C2CD2: variants seen among roughly 807,000 people sequenced by gnomAD.
The protein encoded by C2CD2 is C2 domain-containing protein 2.
In C2CD2, 43 loss-of-function variants were observed where a neutral mutation model predicts 74.3. That is an observed-to-expected ratio of 0.58 (90% CI 0.45 to 0.75). C2CD2 has a LOEUF of 0.75. Among genes scored for constraint, C2CD2 ranks in the 30% least tolerant of loss-of-function variants. The pLI is 0.00. For synonymous variants in C2CD2, 422 were observed against 390.7 expected (o/e 1.08, Z -0.94); for missense variants, 801 against 916.3 (o/e 0.87, Z 1.63).
chr21:41,897,388 T>C (rs1454642190), intron 13 of C2CD2, among the ~76,000 whole-genome samples: 3 of 152,144 alleles, frequency 2.0e-5, no homozygotes, highest in Non-Finnish European at 4.4e-5. Context: ...TTGTCCCGCT[T>C]CGCCCAGCAC....
At chr21:41,942,627 C>T (rs2065364299) in intron 1 of C2CD2, among the ~76,000 whole-genome samples, 1 of 152,200 alleles carries the variant, frequency 6.6e-6, no homozygotes, top group Non-Finnish European at 1.5e-5. Flanking sequence ...GGTCTAGCGG[C>T]GCACCTCGCC....
intron 2 of C2CD2, among the ~76,000 whole-genome samples, chr21:41,930,006 G>A (rs994518279): frequency 1.3e-5 from 2 of 151,392 alleles, no homozygotes; most frequent in African/African-American, 4.8e-5. Flanking sequence ...TGTCATGAAA[G>A]GGAGGAAGCG....
At chr21:41,904,577 G>A (rs1032891900) in intron 11 of C2CD2, among the ~76,000 whole-genome samples, 1 of 152,158 alleles carries the variant, frequency 6.6e-6, no homozygotes, top group Admixed American at 6.5e-5. Flanking sequence ...CGAAAGGAGG[G>A]GCAGGGCCTG....
In C2CD2 at chr21:41,892,018, T is replaced by A; in HGVS notation, c.1871-2674A>T. Among the ~76,000 whole-genome samples the A allele has an allele frequency of 6.8e-6, 1 of 145,996 alleles. No individual in the cohort carries two copies. Among genetic ancestry groups the A allele is most frequent in the East Asian group, 2.2e-4 (1 of 4,540 alleles). ...CCAAATTCATATGTTACAGTCCTAA[T>A]CCCCAGTACTTCACAGAATGTGACC... On this transcript the variant is annotated intron_variant, in intron 13 of 13. Coordinates refer to ENST00000380486, the MANE Select transcript of C2CD2 (RefSeq NM_015500.2). The surrounding 1 kb of genome is among the most constrained non-coding windows in gnomAD (Gnocchi z 4.6).
chr21:41,914,813 G>A lies in C2CD2; in HGVS notation c.721-92C>T, dbSNP rs112733314. The A allele has an allele frequency of 2.8e-3, 3,151 of 1,128,768 alleles. 49 individuals carry two copies. The African/African-American group carries it at 0.041, about 15-fold the overall frequency. The allele number at this position is 1,128,768 out of a possible 1,614,324, so 69.9% of individuals were successfully genotyped here. A position where few individuals can be genotyped will look rare whatever the true frequency, so the allele number is the denominator to read the frequency against. On this transcript the variant is annotated intron_variant, in intron 5 of 13. Coordinates refer to ENST00000380486, the MANE Select transcript of C2CD2 (RefSeq NM_015500.2). ...CTGGACTCCTGTTATGGGGGGTGGTGGCAGTGGGGTGTCTACAGGAAAACC... is the reference window on the plus strand; with the variant it reads ...CTGGACTCCTGTTATGGGGGGTGGTAGCAGTGGGGTGTCTACAGGAAAACC...
rs116099239 is a variant in C2CD2, at chr21:41,913,129, C to T, written c.845-689G>A. Among the ~76,000 whole-genome samples, 904 of 152,362 alleles carry T rather than the reference C, an allele frequency of 5.9e-3. 11 individuals carry two copies. Among genetic ancestry groups the T allele is most frequent in the African/African-American group, 0.021 (863 of 41,586 alleles). On this transcript the variant is annotated intron_variant, in intron 6 of 13. Coordinates refer to ENST00000380486, the MANE Select transcript of C2CD2 (RefSeq NM_015500.2). The stretch of plus-strand genomic sequence containing the variant: ...GACTAACAGTTTGCCAAAGCCTAAA[C>T]ATCAGTTCGTGTTGACTCCTAAATT...
chr21:41,942,156 C>G lies in C2CD2; in HGVS notation c.369G>C (p.Ala123=). The G allele has an allele frequency of 6.5e-7, 1 of 1,549,430 alleles. No homozygotes were observed. The highest frequency in any genetic ancestry group is 8.7e-7 in the Non-Finnish European group (1 of 1,146,798). ...GGGCTCCTGGGCTCACCTTCTCCTC[C>G]GCCGACCTGAGCACGCTGGAGACCT... The part of the protein sequence containing the change: ...VQEVSSVLRS[A]EEKVVVCHVV... Residue 123 remains alanine, a synonymous_variant, in exon 2 of 14, where the codon GCG becomes GCC. Coordinates refer to ENST00000380486, the MANE Select transcript of C2CD2 (RefSeq NM_015500.2).
At chr21:41,913,045 G>C (rs939676877) in intron 6 of C2CD2, among the ~76,000 whole-genome samples, 41 of 152,326 alleles carry the variant, frequency 2.7e-4, no homozygotes, top group Middle Eastern at 6.8e-3. Context: ...CTCCCAGGGG[G>C]ACCCTCCCCG....
In C2CD2 at chr21:41,912,319, C is replaced by G; in HGVS notation, c.953+13G>C. ...GCCGTGGACACACAGGCCCATAACC[C>G]GGCCAGACTCACAAGGTGAATTCCT... is the stretch of plus-strand genomic sequence containing the variant. On this transcript the variant is annotated intron_variant, in intron 7 of 13. Transcript: ENST00000380486. 1 of 1,564,572 alleles carries G rather than the reference C, an allele frequency of 6.4e-7. No individual in the cohort carries two copies. The highest frequency in any genetic ancestry group is 8.8e-7 in the Non-Finnish European group (1 of 1,138,394).
chr21:41,914,965 A>T (rs1477707147), intron 5 of C2CD2, among the ~76,000 whole-genome samples: 1 of 152,198 alleles, frequency 6.6e-6, no homozygotes, highest in Non-Finnish European at 1.5e-5. Context: ...TACAGCAAGT[A>T]CAAGTAGCAG....
intron 3 of C2CD2, among the ~76,000 whole-genome samples, chr21:41,919,558 C>T (rs965809635): frequency 2.0e-5 from 3 of 152,146 alleles, no homozygotes; most frequent in Admixed American, 6.5e-5. Flanking sequence ...TGGGAGTATC[C>T]GCAAGGCATA....
chr21:41,928,949 G>A (rs1157206771), intron 2 of C2CD2, among the ~76,000 whole-genome samples: 4 of 151,078 alleles, frequency 2.6e-5, no homozygotes, highest in African/African-American at 9.7e-5. Context: ...TGTGGTGGGG[G>A]CACGAGCTTA....
At chr21:41,890,888 T>G (rs536374468) in intron 13 of C2CD2, among the ~76,000 whole-genome samples, 10 of 152,188 alleles carry the variant, frequency 6.6e-5, no homozygotes, top group Non-Finnish European at 1.3e-4. Flanking sequence ...GAGCCTGACT[T>G]CAAGCAGGAA....
chr21:41,947,358 T>C (rs2065409917), intron 1 of C2CD2, among the ~76,000 whole-genome samples: 1 of 152,000 alleles, frequency 6.6e-6, no homozygotes, highest in South Asian at 2.1e-4. Context: ...GGTTTCTCCA[T>C]GTTGGTCAGG....
chr21:41,894,139 G>C (rs1163158197), intron 13 of C2CD2, among the ~76,000 whole-genome samples: 2 of 152,206 alleles, frequency 1.3e-5, no homozygotes, highest in South Asian at 2.1e-4. Context: ...AGCTTCTAGG[G>C]GGATGGCATC....
chr21:41,926,317 G>T lies in C2CD2; in HGVS notation c.379-4232C>A. 3.8e-6 allele frequency: 1 copy of T among 264,032 alleles called. No homozygotes were observed. The highest frequency in any genetic ancestry group is 5.9e-6 in the Non-Finnish European group (1 of 170,180). The allele number at this position is 264,032 out of a possible 1,614,324, so 16.4% of individuals were successfully genotyped here. A position where few individuals can be genotyped will look rare whatever the true frequency, so the allele number is the denominator to read the frequency against. Reference sequence around the variant, plus strand: ...ATTCCAAATAAACAGCTTCCTCTCTGTATAAGTGACAGAGTGTTTTTCGGA... The same window carrying T: ...ATTCCAAATAAACAGCTTCCTCTCTTTATAAGTGACAGAGTGTTTTTCGGA... On this transcript the variant is annotated intron_variant, in intron 2 of 13. Transcript: ENST00000380486. The surrounding 1 kb of genome is among the most constrained non-coding windows in gnomAD (Gnocchi z 8.0).
intron 2 of C2CD2, among the ~76,000 whole-genome samples, chr21:41,930,641 G>A (rs2065254126): frequency 6.7e-6 from 1 of 149,568 alleles, no homozygotes; most frequent in Non-Finnish European, 1.5e-5. Context: ...GGCGGAGGTT[G>A]CAGTAAGCCA....
intron 1 of C2CD2, among the ~76,000 whole-genome samples, chr21:41,944,831 G>A (rs2146231002): frequency 6.6e-6 from 1 of 152,256 alleles, no homozygotes; most frequent in Non-Finnish European, 1.5e-5. Context: ...GGAAAACACT[G>A]AAAAAGGAAG....
chr21:41,926,679 C>T lies in C2CD2; in HGVS notation c.379-4594G>A. The T allele has an allele frequency of 3.1e-6, 3 of 971,954 alleles. No homozygotes were observed. The highest frequency in any genetic ancestry group is 3.7e-6 in the Non-Finnish European group (3 of 817,756). 60.2% of individuals were successfully genotyped at this position (971,954 alleles called of 1,614,324 possible). On this transcript the variant is annotated intron_variant, in intron 2 of 13. Transcript: ENST00000380486. This position sits in a 1 kb window ranked among gnomAD's most constrained non-coding sequence, Gnocchi z 8.0. ...TTGCTACTGTTCACCAACAAGAGAG[C>T]CCCTGAGTCTTCAGATCTCACTGTG...
Sources: gnomAD v4.1 joint callset for allele counts (sites outside exome capture counted in the v4.1 genomes callset) on GRCh38, gnomAD v4.1.1 for gene constraint, Gnocchi (gnomAD v3.1) non-coding constraint, MANE v1.5 for transcripts, NCBI Gene and HGNC (gene_info 2026-07-23, HGNC 2026-07-21) for gene names.